Variants in SNX27 observed in about 807,000 individuals in gnomAD.
The protein encoded by SNX27 is sorting nexin 27.
A neutral mutation model predicts 71.6 loss-of-function variants in SNX27; 22 were observed. The ratio of observed to expected loss-of-function variants is 0.31; its 90% CI spans 0.22 to 0.44. The LOEUF is 0.44. SNX27 is among the 20% of genes least tolerant of loss of function. The pLI, the probability that SNX27 is intolerant of heterozygous loss-of-function variation, is 1.00. For missense variants in SNX27, 531 were observed against 698.6 expected (o/e 0.76, Z 2.70); for synonymous variants, 269 against 277.2 (o/e 0.97, Z 0.29).
At chr1:151,634,376 G>A (rs1668379129) in intron 1 of SNX27, among the ~76,000 whole-genome samples, 1 of 152,114 alleles carries the variant, frequency 6.6e-6, no homozygotes, top group African/African-American at 2.4e-5. Context: ...TATAGTGATT[G>A]GGTTTGTCAT....
At chr1:151,631,990 A>G (rs112897024) in intron 1 of SNX27, among the ~76,000 whole-genome samples, 1 of 152,120 alleles carries the variant, frequency 6.6e-6, no homozygotes, top group Admixed American at 6.6e-5. Flanking sequence ...AAATCTAACA[A>G]GTGAAATCTA....
chr1:151,631,512 G>T (rs552594804), intron 1 of SNX27, among the ~76,000 whole-genome samples: 40 of 152,242 alleles, frequency 2.6e-4, no homozygotes, highest in African/African-American at 8.7e-4. Context: ...TTTAACATAA[G>T]AACTTCTCCA....
chr1:151,670,806 A>G (rs1413110600), intron 7 of SNX27, among the ~76,000 whole-genome samples: 1 of 151,892 alleles, frequency 6.6e-6, no homozygotes, highest in Non-Finnish European at 1.5e-5. Context: ...CCATTTGTCC[A>G]TTTTTGCTTT....
In SNX27 at chr1:151,638,948, C is replaced by A; in HGVS notation, c.372C>A (p.Gly124=). The A allele has an allele frequency of 6.2e-7, 1 of 1,613,992 alleles. No individual in the cohort carries two copies. The highest frequency in any genetic ancestry group is 8.5e-7 in the Non-Finnish European group (1 of 1,180,026). Residue 124 remains glycine, a synonymous_variant, in exon 2 of 12, where the codon GGC becomes GGA. Transcript: ENST00000458013. ...AGGTGGTGGACCTGATTCGAGCAGG[C>A]GAGAAGGAATTGATCTTGACAGTGT... ...HKQVVDLIRA[G]EKELILTVLS...
intron 8 of SNX27, among the ~76,000 whole-genome samples, chr1:151,687,750 C>A: frequency 6.6e-6 from 1 of 152,106 alleles, no homozygotes; most frequent in East Asian, 1.9e-4. Context: ...AGATCGAAAC[C>A]ATCCTGGCTA....
At chr1:151,688,115 G>A (rs1158048586) in intron 8 of SNX27, among the ~76,000 whole-genome samples, 1 of 152,010 alleles carries the variant, frequency 6.6e-6, no homozygotes, top group East Asian at 1.9e-4. Context: ...AAGATAATTC[G>A]GGATACATAG....
At chr1:151,624,759 T>C (rs1667844839) in intron 1 of SNX27, among the ~76,000 whole-genome samples, 1 of 152,180 alleles carries the variant, frequency 6.6e-6, no homozygotes, top group Non-Finnish European at 1.5e-5. Flanking sequence ...ATATTTATTT[T>C]TTAAATATCT....
At chr1:151,642,764 G>A (rs1030620067) in intron 2 of SNX27, among the ~76,000 whole-genome samples, 2 of 151,454 alleles carry the variant, frequency 1.3e-5, no homozygotes, top group East Asian at 2.0e-4. Context: ...TCAGTCTCCC[G>A]AGTAGCTGGG....
At chr1:151,682,650 A>T (rs190844696) in intron 7 of SNX27, among the ~76,000 whole-genome samples, 8 of 152,290 alleles carry the variant, frequency 5.3e-5, no homozygotes, top group African/African-American at 1.9e-4. Context: ...GGAAACTTAC[A>T]ATCATGGCAT....
chr1:151,658,161 C>A, intron 2 of SNX27, 74 bp from the exon 3 acceptor site: 1 of 1,408,362 alleles, frequency 7.1e-7, no homozygotes, highest in East Asian at 2.3e-5. Flanking sequence ...CCAATATCAT[C>A]TAAGCCTGAC....
intron 1 of SNX27, among the ~76,000 whole-genome samples, chr1:151,630,318 G>A (rs899352741): frequency 2.0e-5 from 3 of 151,948 alleles, no homozygotes; most frequent in Admixed American, 6.6e-5. Flanking sequence ...TATTGCCAGT[G>A]AAATTACTTT....
intron 1 of SNX27, among the ~76,000 whole-genome samples, chr1:151,626,662 A>G (rs1667957617): frequency 6.6e-6 from 1 of 152,134 alleles, no homozygotes. Flanking sequence ...AGATCGTGCC[A>G]CTGCACTCCA....
chr1:151,658,012 A>C (rs1046777889), intron 2 of SNX27, among the ~76,000 whole-genome samples: 3 of 152,076 alleles, frequency 2.0e-5, no homozygotes, highest in East Asian at 1.9e-4. Flanking sequence ...AAAAAACCCC[A>C]AAAAACAAAA....
At position 151,668,553 on chromosome 1, in the gene SNX27, C is replaced by A. The variant is rs1670315660; in HGVS notation, c.1067C>A (p.Thr356Asn). The A allele has an allele frequency of 6.2e-7, 1 of 1,613,946 alleles. No individual in the cohort carries two copies. The highest frequency in any genetic ancestry group is 8.5e-7 in the Non-Finnish European group (1 of 1,179,914). The change falls in exon 7 of 12, where the codon ACC becomes AAC. Residue 356 changes from threonine to asparagine, a missense_variant. Transcript: ENST00000458013. ...TCAGCTGTGCCAGGCACCTGCTTGACCATTCGAAAGTGGCTTTTTACAACA... is the reference window on the plus strand; with the variant it reads ...TCAGCTGTGCCAGGCACCTGCTTGAACATTCGAAAGTGGCTTTTTACAACA... ...YTSAVPGTCL[T>N]IRKWLFTTEE...
intron 8 of SNX27, among the ~76,000 whole-genome samples, chr1:151,684,061 A>G (rs1490883796): frequency 2.0e-5 from 3 of 152,248 alleles, no homozygotes; most frequent in Admixed American, 1.3e-4. Context: ...ATAAGATTGT[A>G]TAAGACCTGA....
intron 1 of SNX27, chr1:151,614,040 G>A (rs534066635): frequency 7.9e-5 from 12 of 152,106 alleles, no homozygotes; most frequent in Admixed American, 4.6e-4. Flanking sequence ...GCCTTATAGA[G>A]AAATCCATTC....
At position 151,620,728 on chromosome 1, in the gene SNX27, C is replaced by T. The variant is rs1380498188; in HGVS notation, c.311+8216C>T. On this transcript the variant is annotated intron_variant, in intron 1 of 11. Coordinates refer to ENST00000458013, the MANE Select transcript of SNX27 (RefSeq NM_001330723.2). ...TTTTTGTGACAGAGTCTTGCTCTGT[C>T]GCCTAGGCTGGAGAGCAGTGGCACG... Among the ~76,000 whole-genome samples, 7 of 144,704 alleles carry T rather than the reference C, an allele frequency of 4.8e-5. No individual in the cohort carries two copies. The South Asian group carries it at 6.4e-4, about 13-fold the overall frequency. 94.9% of individuals were successfully genotyped at this position (144,704 alleles called of 152,430 possible). A position where few individuals can be genotyped will look rare whatever the true frequency, so the allele number is the denominator to read the frequency against.
At chr1:151,630,784 A>G (rs147499585) in intron 1 of SNX27, among the ~76,000 whole-genome samples, 2,340 of 152,346 alleles carry the variant, frequency 0.015, 54 homozygotes, top group African/African-American at 0.052. Context: ...CTGTAATCCC[A>G]GCACTTTGGG....
Position 151,695,783 on chromosome 1 carries a change from A to G in SNX27, c.*1366A>G, listed in dbSNP as rs1162866090. 3 of 152,220 alleles carry G rather than the reference A, an allele frequency of 2.0e-5. No individual in the cohort carries two copies. The highest frequency in any genetic ancestry group is 7.2e-5 in the African/African-American group (3 of 41,442). 9.4% of individuals were successfully genotyped at this position (152,220 alleles called of 1,614,324 possible). ...CCAGAGTTAAGCTGATACCTTAGGC[A>G]CACAGGTTGGACTTACATAGAGGAA... On this transcript the variant is annotated 3_prime_UTR_variant, in exon 12 of 12. Coordinates refer to ENST00000458013, the MANE Select transcript of SNX27 (RefSeq NM_001330723.2).
Sources: gnomAD v4.1 joint callset for allele counts (sites outside exome capture counted in the v4.1 genomes callset) on GRCh38, gnomAD v4.1.1 for gene constraint, MANE v1.5 for transcripts, NCBI Gene and HGNC (gene_info 2026-07-23, HGNC 2026-07-21) for gene names.